Variants in RP1 observed in about 807,000 individuals in gnomAD.
RP1 encodes oxygen-regulated protein 1.
In RP1, 16 loss-of-function variants were observed where a neutral mutation model predicts 14.8. That is an observed-to-expected ratio of 1.08 (90% confidence interval 0.73 to 1.65). The LOEUF (loss-of-function observed/expected upper bound fraction) is 1.65, where lower values mean the gene tolerates loss of function less well. RP1 is among the 40% of genes most tolerant of loss of function. The probability of loss-of-function intolerance (pLI) is 0.00; values close to 1 mark genes in which losing one functional copy is unlikely to be tolerated. For missense variants in RP1, 2,631 were observed against 2,535.0 expected, an observed-to-expected ratio of 1.04 and a Z score of -0.81; for synonymous variants, 876 against 883.6, an observed-to-expected ratio of 0.99 and a Z score of 0.15.
intron 19 of RP1, among the ~76,000 whole-genome samples, chr8:54,740,293 G>T (rs1461730842): frequency 6.7e-6 from 1 of 149,760 alleles, no homozygotes; most frequent in Admixed American, 6.7e-5. Context: ...ATCTTCCAAT[G>T]GGTCAAGATG....
intron 1 of RP1, among the ~76,000 whole-genome samples, chr8:54,598,713 C>T (rs1273685255): frequency 6.6e-6 from 1 of 152,084 alleles, no homozygotes; most frequent in East Asian, 1.9e-4. Context: ...ACCTGCATTC[C>T]TCAAGGATAT....
At chr8:54,775,730 C>T (rs1410633470) in intron 23 of RP1, among the ~76,000 whole-genome samples, 3 of 152,152 alleles carry the variant, frequency 2.0e-5, no homozygotes, top group East Asian at 1.9e-4. Flanking sequence ...TAGGATAGTT[C>T]GTTATGCAGG....
chr8:54,625,617 G>A lies in RP1; in HGVS notation c.1735G>A (p.Asp579Asn), dbSNP rs1469262436. The A allele has an allele frequency of 1.2e-6, 2 of 1,614,014 alleles. No individual in the cohort carries two copies. The highest frequency in any genetic ancestry group is 4.5e-5 in the East Asian group (2 of 44,880). Reference sequence around the variant, plus strand: ...ATCAAATAACTCAATTGTGGAGGAAGATGTAGTTGATTGTGTGGTATTGGA... The same window carrying A: ...ATCAAATAACTCAATTGTGGAGGAAAATGTAGTTGATTGTGTGGTATTGGA... ...TISNNSIVEEDVVDCVVLDNK... is the reference protein window; with the variant it reads ...TISNNSIVEENVVDCVVLDNK... The change falls in exon 4 of 4, where the codon GAT becomes AAT. Residue 579 changes from aspartate (D) to asparagine (N), a missense_variant. Physicochemically the swap from Asp to Asn is conservative, Grantham distance 23 (BLOSUM62 1). Coordinates refer to ENST00000220676, the MANE Select transcript of RP1 (RefSeq NM_006269.2).
At chr8:54,819,284 C>T (rs1016879581) in intron 24 of RP1, among the ~76,000 whole-genome samples, 2 of 151,906 alleles carry the variant, frequency 1.3e-5, no homozygotes, top group Non-Finnish European at 2.9e-5. Context: ...TTGCATTTTT[C>T]AGCTCCAGAA....
chr8:54,615,015 G>T (rs1805682967), upstream of RP1, among the ~76,000 whole-genome samples: 1 of 152,136 alleles, frequency 6.6e-6, no homozygotes, highest in African/African-American at 2.4e-5. Flanking sequence ...ATTTGGAGCT[G>T]GTAATGATAC....
rs1282784993 is a variant in RP1, at chr8:54,755,807, ATC to A, written c.3093+43_3093+44del. Reference sequence around the variant, plus strand: ...CAAATAATTTCCCAGATTCTTAACAATCTCTCTGAAGATGGCCACATATGATT... The same window carrying A: ...CAAATAATTTCCCAGATTCTTAACAATCTCTGAAGATGGCCACATATGATT... On this transcript the variant is annotated intron_variant, in intron 21 of 22. Coordinates refer to the RP1 transcript ENST00000636932. 4 of 1,410,376 alleles carry A rather than the reference ATC, an allele frequency of 2.8e-6. No homozygotes were observed. In the South Asian group the frequency reaches 4.6e-5, roughly 16 times the overall value. The allele number at this position is 1,410,376 out of a possible 1,614,324, so 87.4% of individuals were successfully genotyped here.
At chr8:54,690,747 C>G (rs901694325) in intron 12 of RP1, among the ~76,000 whole-genome samples, 1 of 151,986 alleles carries the variant, frequency 6.6e-6, no homozygotes, top group Non-Finnish European at 1.5e-5. Flanking sequence ...CTATTTGTAT[C>G]AAATTGCTGA....
At chr8:54,747,098 C>T (rs1218135297) in intron 19 of RP1, among the ~76,000 whole-genome samples, 1 of 152,174 alleles carries the variant, frequency 6.6e-6, no homozygotes, top group East Asian at 1.9e-4. Context: ...TTATTACCAT[C>T]ACTTCACTCC....
At chr8:54,865,205 T>C (rs560153175) in intron 27 of RP1, among the ~76,000 whole-genome samples, 5 of 152,218 alleles carry the variant, frequency 3.3e-5, no homozygotes, top group Admixed American at 1.3e-4. Context: ...TTTCTAACAA[T>C]TTTTCTCATC....
At chr8:54,673,873 T>C in exon 8 of RP1, 1 of 1,535,946 alleles carries the variant, frequency 6.5e-7, no homozygotes, top group Non-Finnish European at 8.7e-7. Context: ...TCCTGGAGGC[T>C]GTGCACCTTG....
chr8:54,682,974 T>C (rs1036598704), intron 12 of RP1, among the ~76,000 whole-genome samples: 3 of 152,210 alleles, frequency 2.0e-5, no homozygotes, highest in African/African-American at 7.2e-5. Flanking sequence ...TTAATTTGTG[T>C]ATAAGGTGTA....
chr8:54,841,765 CTGA>C (rs1252933705), intron 25 of RP1, among the ~76,000 whole-genome samples: 1 of 152,132 alleles, frequency 6.6e-6, no homozygotes, highest in African/African-American at 2.4e-5. Context: ...ATGCTTAGGG[CTGA>C]TAAGAATGCT....
In RP1 at chr8:54,822,144, G is replaced by A. The variant is rs143046559; in HGVS notation, c.3616-15306G>A. Among the ~76,000 whole-genome samples, 497 of 152,268 alleles carry A rather than the reference G, an allele frequency of 3.3e-3. 2 individuals carry two copies. The highest frequency in any genetic ancestry group is 0.01 in the African/African-American group (435 of 41,556). ...CAAAATGTAGTTGTAATACAGAGAAGGGTATATATAATAGTTTAATTATTT... is the reference window on the plus strand; with the variant it reads ...CAAAATGTAGTTGTAATACAGAGAAAGGTATATATAATAGTTTAATTATTT... On this transcript the variant is annotated intron_variant, in intron 24 of 28. Coordinates refer to the RP1 transcript ENST00000637698.
chr8:54,711,532 A>T (rs183602868), intron 15 of RP1, among the ~76,000 whole-genome samples: 1 of 152,314 alleles, frequency 6.6e-6, no homozygotes, highest in Non-Finnish European at 1.5e-5. Flanking sequence ...GAGGAGGCTG[A>T]CTGTATTTTT....
intron 24 of RP1, among the ~76,000 whole-genome samples, chr8:54,805,407 T>C (rs1810824106): frequency 6.6e-6 from 1 of 152,186 alleles, no homozygotes. Context: ...GTAAATAAAA[T>C]TTGTGCTCTC....
chr8:54,755,494 C>T (rs958295605), intron 20 of RP1: 7 of 872,632 alleles, frequency 8.0e-6, no homozygotes, highest in African/African-American at 5.2e-5. Context: ...ATCCAGATTA[C>T]AGGAATTCTC....
chr8:54,868,420 A>G (rs1812506105), intron 28 of RP1, among the ~76,000 whole-genome samples: 1 of 152,192 alleles, frequency 6.6e-6, no homozygotes, highest in South Asian at 2.1e-4. Flanking sequence ...AGGGTTAAAT[A>G]AGTATTAAAA....
chr8:54,809,014 T>C (rs1346511454), intron 24 of RP1, among the ~76,000 whole-genome samples: 2 of 152,250 alleles, frequency 1.3e-5, no homozygotes, highest in African/African-American at 4.8e-5. Context: ...AAAGCTCTAG[T>C]TCTACCAAGT....
intron 24 of RP1, among the ~76,000 whole-genome samples, chr8:54,828,648 CACCA>C (rs1260628845): frequency 6.6e-6 from 1 of 152,032 alleles, no homozygotes; most frequent in Non-Finnish European, 1.5e-5. Context: ...TTTATAACAA[CACCA>C]ACAGACTATG....
Sources: gnomAD v4.1 joint callset for allele counts (sites outside exome capture counted in the v4.1 genomes callset) on GRCh38, gnomAD v4.1.1 for gene constraint, MANE v1.5 for transcripts, NCBI Gene and HGNC (gene_info 2026-07-23, HGNC 2026-07-21) for gene names.